The following GPR63 variants were observed in gnomAD, a reference collection of about 807,000 sequenced individuals.
The protein encoded by GPR63 is probable G protein-coupled receptor 63.
In GPR63, 12 loss-of-function variants were observed where a neutral mutation model predicts 23.1. The ratio of observed to expected loss-of-function variants is 0.52; its 90% confidence interval spans 0.33 to 0.84. GPR63 has a LOEUF of 0.84. GPR63 is among the 40% of genes least tolerant of loss of function. GPR63 has a pLI of 0.02. For synonymous variants in GPR63, 172 were observed against 191.1 expected (o/e 0.90, Z 0.82); for missense variants, 472 against 515.6 (o/e 0.92, Z 0.82).
At chr6:96,823,482 A>G (rs552150330) in intron 1 of GPR63, among the ~76,000 whole-genome samples, 1 of 152,294 alleles carries the variant, frequency 6.6e-6, no homozygotes, top group East Asian at 1.9e-4. Context: ...TTGCATACAA[A>G]TGTACAATGC....
intron 1 of GPR63, among the ~76,000 whole-genome samples, chr6:96,803,627 A>G (rs1277349576): frequency 6.6e-6 from 1 of 152,214 alleles, no homozygotes; most frequent in Admixed American, 6.5e-5. Context: ...CTTATGAAGT[A>G]TAATAACCAA....
At chr6:96,813,159 G>C (rs1774084501) in intron 1 of GPR63, among the ~76,000 whole-genome samples, 1 of 151,936 alleles carries the variant, frequency 6.6e-6, no homozygotes, top group Non-Finnish European at 1.5e-5. Context: ...CATCCATATT[G>C]CTGCAAATAA....
At chr6:96,820,918 T>G (rs1457770513) in intron 1 of GPR63, among the ~76,000 whole-genome samples, 1 of 152,226 alleles carries the variant, frequency 6.6e-6, no homozygotes, top group Non-Finnish European at 1.5e-5. Flanking sequence ...ATGCTGGTAC[T>G]CTCTTCACTG....
At chr6:96,810,535 GAT>G (rs919522712) in intron 1 of GPR63, among the ~76,000 whole-genome samples, 34 of 150,990 alleles carry the variant, frequency 2.3e-4, no homozygotes, top group Non-Finnish European at 8.8e-5. Flanking sequence ...AATAAAGTGT[GAT>G]ACATACATAC....
At chr6:96,830,411 G>T (rs1220228532) in intron 1 of GPR63, among the ~76,000 whole-genome samples, 1 of 152,106 alleles carries the variant, frequency 6.6e-6, no homozygotes, top group Non-Finnish European at 1.5e-5. Flanking sequence ...ATTCCACACT[G>T]AAAATATAGT....
intron 1 of GPR63, among the ~76,000 whole-genome samples, chr6:96,807,361 C>A (rs191214979): frequency 2.0e-5 from 3 of 152,350 alleles, no homozygotes; most frequent in Non-Finnish European, 2.9e-5. Flanking sequence ...TGTGGCAACA[C>A]AGGGACCAAA....
intron 1 of GPR63, among the ~76,000 whole-genome samples, chr6:96,822,966 G>A (rs575021430): frequency 6.6e-6 from 1 of 152,276 alleles, no homozygotes; most frequent in East Asian, 1.9e-4. Context: ...TTATAATGGA[G>A]CTGAAAAATT....
At chr6:96,822,332 T>C (rs1446761784) in intron 1 of GPR63, among the ~76,000 whole-genome samples, 1 of 152,150 alleles carries the variant, frequency 6.6e-6, no homozygotes, top group Non-Finnish European at 1.5e-5. Flanking sequence ...GATTCACTGC[T>C]ATGATCAAAA....
intron 1 of GPR63, among the ~76,000 whole-genome samples, chr6:96,834,385 G>A (rs1037922892): frequency 6.6e-6 from 1 of 152,134 alleles, no homozygotes; most frequent in African/African-American, 2.4e-5. Context: ...CCCGGAAATT[G>A]AAACTATAAC....
chr6:96,831,724 T>C (rs186287315), intron 1 of GPR63, among the ~76,000 whole-genome samples: 7 of 151,946 alleles, frequency 4.6e-5, no homozygotes, highest in Non-Finnish European at 5.9e-5. Flanking sequence ...CTAACCAACA[T>C]GGTGAAACCC....
intron 1 of GPR63, among the ~76,000 whole-genome samples, chr6:96,803,507 T>C (rs930676331): frequency 1.4e-4 from 22 of 152,212 alleles, no homozygotes; most frequent in Non-Finnish European, 1.0e-4. Context: ...CTAAGGAACA[T>C]AGCATGAACA....
chr6:96,813,204 A>T (rs951997942), intron 1 of GPR63, among the ~76,000 whole-genome samples: 5 of 152,218 alleles, frequency 3.3e-5, no homozygotes, highest in African/African-American at 1.2e-4. Flanking sequence ...ATAGAACTCC[A>T]CTGTGTACAT....
chr6:96,813,872 A>G (rs1028835842), intron 1 of GPR63, among the ~76,000 whole-genome samples: 1 of 152,188 alleles, frequency 6.6e-6, no homozygotes, highest in Non-Finnish European at 1.5e-5. Flanking sequence ...TTATTAACAT[A>G]AGGGTGAGCC....
chr6:96,795,265 T>A lies in GPR63; in HGVS notation c.*3207A>T, dbSNP rs897918589. The stretch of plus-strand genomic sequence containing the variant: ...TCTTTTGACCACAAATATTTCATTA[T>A]CTCTTTTACGCTTCTTACTAGCCAG... On this transcript the variant is annotated 3_prime_UTR_variant, in exon 2 of 2. Coordinates refer to ENST00000229955, the MANE Select transcript of GPR63 (RefSeq NM_030784.4). The A allele has an allele frequency of 6.6e-6, 1 of 152,168 alleles. No individual in the cohort carries two copies. The highest frequency in any genetic ancestry group is 1.5e-5 in the Non-Finnish European group (1 of 68,030). The allele number at this position is 152,168 out of a possible 1,614,324, so 9.4% of individuals were successfully genotyped here.
chr6:96,798,527 C>T lies in GPR63; in HGVS notation c.1205G>A (p.Arg402Gln), dbSNP rs767165854. The change falls in exon 2 of 2, where the codon CGA becomes CAA. Residue 402 changes from arginine to glutamine, a missense_variant. Arg to Gln is a conservative substitution (Grantham distance 43, BLOSUM62 1). Transcript: ENST00000229955. ...ATAGACAGCACTAGGACGTATCCGT[C>T]GCTTTGTGTGACCAGGGAGCTGCGG... is the stretch of plus-strand genomic sequence containing the variant. Reference protein sequence around the residue: ...FLPQLPGHTKRRIRPSAVYVC... With the variant: ...FLPQLPGHTKQRIRPSAVYVC... The T allele has an allele frequency of 3.0e-5, 48 of 1,614,212 alleles. 2 individuals carry two copies. In the South Asian group the frequency reaches 3.2e-4, roughly 11 times the overall value.
chr6:96,831,943 A>T (rs912892325), intron 1 of GPR63, among the ~76,000 whole-genome samples: 58 of 151,956 alleles, frequency 3.8e-4, no homozygotes, highest in Middle Eastern at 3.4e-3. Context: ...AAAATTTTTT[A>T]AAAATTGCAC....
At chr6:96,833,638 C>G (rs1301497156) in intron 1 of GPR63, among the ~76,000 whole-genome samples, 2 of 152,054 alleles carry the variant, frequency 1.3e-5, no homozygotes, top group African/African-American at 4.8e-5. Context: ...ATAGACTGAG[C>G]TAAGTCAATT....
chr6:96,833,744 T>C (rs991566344), intron 1 of GPR63, among the ~76,000 whole-genome samples: 3 of 152,136 alleles, frequency 2.0e-5, no homozygotes, highest in African/African-American at 7.2e-5. Flanking sequence ...AAATTGAAAA[T>C]GATGTTAAGA....
At chr6:96,835,750 C>T (rs1774710703) in intron 1 of GPR63, among the ~76,000 whole-genome samples, 1 of 152,096 alleles carries the variant, frequency 6.6e-6, no homozygotes, top group Admixed American at 6.5e-5. Flanking sequence ...AGTGACAAAA[C>T]TGTACTTAGA....
Sources: gnomAD v4.1 joint callset for allele counts (sites outside exome capture counted in the v4.1 genomes callset) on GRCh38, gnomAD v4.1.1 for gene constraint, MANE v1.5 for transcripts, NCBI Gene and HGNC (gene_info 2026-07-23, HGNC 2026-07-21) for gene names.